Variants in ZFYVE9 observed in about 807,000 individuals in gnomAD.
ZFYVE9 encodes the protein zinc finger FYVE domain-containing protein 9.
In ZFYVE9, 43 loss-of-function variants were observed where a neutral mutation model predicts 126.7. The observed-to-expected ratio is 0.34, with a 90% CI of 0.27 to 0.44. The LOEUF (loss-of-function observed/expected upper bound fraction) is 0.44. ZFYVE9 is among the 20% of genes least tolerant of loss of function. The probability of loss-of-function intolerance (pLI) is 1.00; values close to 1 mark genes in which losing one functional copy is unlikely to be tolerated. For missense variants in ZFYVE9, 1,476 were observed against 1,697.0 expected, an observed-to-expected ratio of 0.87 and a Z score of 2.29; for synonymous variants, 521 against 597.4, an observed-to-expected ratio of 0.87 and a Z score of 1.87.
intron 2 of ZFYVE9, among the ~76,000 whole-genome samples, chr1:52,217,625 T>C (rs1557462680): frequency 6.6e-6 from 1 of 152,196 alleles, no homozygotes; most frequent in Non-Finnish European, 1.5e-5. Flanking sequence ...TGAGTACATC[T>C]TTAACAATTG....
chr1:52,160,609 G>A (rs553415953), intron 1 of ZFYVE9: 7 of 702,438 alleles, frequency 1.0e-5, no homozygotes, highest in East Asian at 2.5e-5. Flanking sequence ...CCATAGAGTC[G>A]GGCACCGTGT....
chr1:52,340,034 TAGC>T, intron 16 of ZFYVE9, 89 bp from the exon 17 acceptor site: 1 of 970,174 alleles, frequency 1.0e-6, no homozygotes, highest in South Asian at 1.3e-5. Flanking sequence ...CCAGTGTAAT[TAGC>T]AGGAAGACTT....
rs185606148 is a variant in ZFYVE9 at position 52,191,400 on chromosome 1, A to C, written c.-142-24969A>C. On this transcript the variant is annotated intron_variant, in intron 1 of 18. Coordinates refer to ENST00000287727, the MANE Select transcript of ZFYVE9 (RefSeq NM_004799.4). ...TTTTCATTCTGTCATTCTTTCAACA[A>C]ATATGCCAGGCTTTGAAGATGCAGC... Among the ~76,000 whole-genome samples, 6 of 152,284 alleles carry C rather than the reference A, an allele frequency of 3.9e-5. No homozygotes were observed. In the East Asian group the frequency reaches 1.2e-3, roughly 29 times the overall value.
intron 1 of ZFYVE9, among the ~76,000 whole-genome samples, chr1:52,182,063 C>G (rs929901827): frequency 6.6e-6 from 1 of 151,652 alleles, no homozygotes; most frequent in East Asian, 2.0e-4. Flanking sequence ...GTCAGCCCCT[C>G]GCCCGGCCAG....
At chr1:52,202,079 C>A (rs1043990908) in intron 1 of ZFYVE9, among the ~76,000 whole-genome samples, 4 of 152,140 alleles carry the variant, frequency 2.6e-5, no homozygotes, top group Non-Finnish European at 5.9e-5. Flanking sequence ...CCACCGCACA[C>A]AGCCCAAAGT....
At chr1:52,172,316 T>C (rs1275969022) in intron 1 of ZFYVE9, among the ~76,000 whole-genome samples, 1 of 152,198 alleles carries the variant, frequency 6.6e-6, no homozygotes, top group African/African-American at 2.4e-5. Context: ...GTTGTAGATA[T>C]GCGGCGTTAT....
chr1:52,197,076 G>C (rs746819021), intron 1 of ZFYVE9, among the ~76,000 whole-genome samples: 1 of 152,106 alleles, frequency 6.6e-6, no homozygotes, highest in Non-Finnish European at 1.5e-5. Context: ...ATGGATTGGA[G>C]GAGGAGGAGG....
chr1:52,269,304 A>G (rs2147803482), intron 7 of ZFYVE9, among the ~76,000 whole-genome samples: 1 of 151,800 alleles, frequency 6.6e-6, no homozygotes, highest in East Asian at 1.9e-4. Context: ...TAATTTTTGT[A>G]TTTTTAGTAG....
At chr1:52,279,632 T>C (rs1483232843) in intron 9 of ZFYVE9, among the ~76,000 whole-genome samples, 1 of 152,006 alleles carries the variant, frequency 6.6e-6, no homozygotes, top group Non-Finnish European at 1.5e-5. Context: ...CCTGGCTAAT[T>C]TTTTTTGTAT....
chr1:52,313,464 C>T (rs906194199), intron 13 of ZFYVE9, among the ~76,000 whole-genome samples: 1 of 152,118 alleles, frequency 6.6e-6, no homozygotes, highest in Non-Finnish European at 1.5e-5. Flanking sequence ...ATTTGCAGGA[C>T]CGATTGCCAG....
At chr1:52,289,416 ATTACT>A (rs757462582) in intron 10 of ZFYVE9, among the ~76,000 whole-genome samples, 2 of 152,312 alleles carry the variant, frequency 1.3e-5, no homozygotes, top group South Asian at 2.1e-4. Context: ...GTTATGTAAA[ATTACT>A]TTATAAACCA....
At chr1:52,277,722 A>G (rs770492202) in intron 8 of ZFYVE9, among the ~76,000 whole-genome samples, 10 of 152,180 alleles carry the variant, frequency 6.6e-5, no homozygotes, top group Non-Finnish European at 1.2e-4. Context: ...CCTTTCCCAT[A>G]TCTCTAGGTT....
chr1:52,340,567 A>G (rs889324206), intron 17 of ZFYVE9, among the ~76,000 whole-genome samples: 3 of 152,214 alleles, frequency 2.0e-5, no homozygotes, highest in African/African-American at 7.2e-5. Context: ...AAACTATTTT[A>G]GATAACATGA....
At chr1:52,329,993 G>C (rs961866765) in intron 13 of ZFYVE9, among the ~76,000 whole-genome samples, 1 of 151,818 alleles carries the variant, frequency 6.6e-6, no homozygotes, top group Non-Finnish European at 1.5e-5. Flanking sequence ...TACTTGGAAG[G>C]ATAAGGTGGG....
intron 13 of ZFYVE9, among the ~76,000 whole-genome samples, chr1:52,316,054 A>T (rs1316430640): frequency 6.8e-6 from 1 of 146,062 alleles, no homozygotes; most frequent in Non-Finnish European, 1.5e-5. Flanking sequence ...AGTCCCACCT[A>T]CTCGGGAGGC....
At chr1:52,210,930 C>T (rs1645022972) in intron 1 of ZFYVE9, among the ~76,000 whole-genome samples, 1 of 152,198 alleles carries the variant, frequency 6.6e-6, no homozygotes, top group African/African-American at 2.4e-5. Flanking sequence ...GCTGGGATTA[C>T]AGGTGTGAGC....
chr1:52,342,693 A>T (rs1165935385), intron 17 of ZFYVE9, among the ~76,000 whole-genome samples: 1 of 151,232 alleles, frequency 6.6e-6, no homozygotes, highest in Non-Finnish European at 1.5e-5. Flanking sequence ...GTGCCACTAC[A>T]CCCAGCTAAC....
chr1:52,303,940 G>T lies in ZFYVE9; in HGVS notation c.3438+15G>T. ...GATACAATGAGGTAAGATTTACCAT[G>T]AAGGCGTATTTTTCATAGTTGAAAA... is the stretch of plus-strand genomic sequence containing the variant. On this transcript the variant is annotated intron_variant, in intron 13 of 18. Coordinates refer to ENST00000287727, the MANE Select transcript of ZFYVE9 (RefSeq NM_004799.4). The T allele has an allele frequency of 7.7e-6, 12 of 1,557,606 alleles. No homozygotes were observed. Among genetic ancestry groups the T allele is most frequent in the Non-Finnish European group, 1.0e-5 (12 of 1,149,246 alleles).
At chr1:52,231,209 G>A (rs1018904061) in intron 2 of ZFYVE9, among the ~76,000 whole-genome samples, 11 of 152,174 alleles carry the variant, frequency 7.2e-5, no homozygotes, top group Admixed American at 1.3e-4. Context: ...AACAAAGATA[G>A]ATATTTAAAA....
Sources: allele counts gnomAD v4.1 joint callset (sites outside exome capture counted in the v4.1 genomes callset), GRCh38; gene constraint gnomAD v4.1.1; transcripts MANE v1.5; gene names NCBI Gene and HGNC (gene_info 2026-07-23, HGNC 2026-07-21).